SLC2A14: variants seen among roughly 807,000 people sequenced by gnomAD.
The protein encoded by SLC2A14 is solute carrier family 2, facilitated glucose transporter member 14.
SLC2A14 carries 13 observed loss-of-function variants against 43.0 expected under a neutral mutation model. The observed-to-expected ratio is 0.30, with a 90% confidence interval of 0.20 to 0.48. The LOEUF (loss-of-function observed/expected upper bound fraction) is 0.48, where lower values mean the gene tolerates loss of function less well. SLC2A14 is among the 20% of genes least tolerant of loss of function. The pLI is 0.99. For missense variants in SLC2A14, 428 were observed against 620.4 expected, an observed-to-expected ratio of 0.69 and a Z score of 3.29; for synonymous variants, 190 against 233.8, an observed-to-expected ratio of 0.81 and a Z score of 1.71.
chr12:7,860,082 C>T (rs1207218420), intron 2 of SLC2A14, among the ~76,000 whole-genome samples: 1 of 152,132 alleles, frequency 6.6e-6, no homozygotes, highest in Admixed American at 6.6e-5. Context: ...CTTGGTATTA[C>T]CAGAGCTGGT....
At chr12:7,836,314 C>A (rs746082548) in intron 2 of SLC2A14, among the ~76,000 whole-genome samples, 1 of 151,930 alleles carries the variant, frequency 6.6e-6, no homozygotes, top group Non-Finnish European at 1.5e-5. Context: ...TCTGCCTCCC[C>A]GGTTCAAGCA....
At chr12:7,834,527 T>C (rs1592197502) in intron 2 of SLC2A14, among the ~76,000 whole-genome samples, 1 of 68,462 alleles carries the variant, frequency 1.5e-5, no homozygotes, top group African/African-American at 5.0e-5. Flanking sequence ...CCCTTCTCTC[T>C]CTCTTTTTTT....
intron 3 of SLC2A14, 36 bp from the exon 4 acceptor site, chr12:7,831,800 G>A: frequency 6.2e-7 from 1 of 1,610,690 alleles, no homozygotes; most frequent in Non-Finnish European, 8.5e-7. Context: ...GACTATTACA[G>A]TTGGATGAGA....
At chr12:7,882,536 A>T (rs1383216881) in intron 1 of SLC2A14, among the ~76,000 whole-genome samples, 1 of 151,940 alleles carries the variant, frequency 6.6e-6, no homozygotes, top group Admixed American at 6.6e-5. Context: ...AAAATAAAAG[A>T]TATTTATTTG....
Position 7,872,885 on chromosome 12 carries a change from G to T in SLC2A14, c.-136C>A. The T allele has an allele frequency of 2.0e-6, 2 of 985,616 alleles. No homozygotes were observed. Among genetic ancestry groups the T allele is most frequent in the Non-Finnish European group, 2.4e-6 (2 of 830,126 alleles). 61.1% of individuals were successfully genotyped at this position (985,616 alleles called of 1,614,324 possible). ...CTCCCGGGCCGCTGCGCCCCCGCCG[G>T]CCCCGCCTGCAGCCGTTGGGACCCA... On this transcript the variant is annotated 5_prime_UTR_variant, in exon 1 of 11. Transcript: ENST00000431042.
At chr12:7,866,238 A>AAG (rs1555145102) in intron 2 of SLC2A14, among the ~76,000 whole-genome samples, 5 of 151,464 alleles carry the variant, frequency 3.3e-5, no homozygotes, top group Admixed American at 6.6e-5. Flanking sequence ...AAAAAAAAAA[A>AAG]AAAAGAAAAG....
At position 7,861,625 on chromosome 12, in the gene SLC2A14, C is replaced by G. The variant is rs143718759; in HGVS notation, c.18+8238G>C. Among the ~76,000 whole-genome samples, 104 of 152,034 alleles carry G rather than the reference C, an allele frequency of 6.8e-4. 2 individuals are homozygous for G. The highest frequency in any genetic ancestry group is 2.3e-3 in the African/African-American group (97 of 41,492). The stretch of plus-strand genomic sequence containing the variant: ...CTAAGTTTCAGCCCTTCACTTGTCC[C>G]GAAAACCATACAAACCATACATAAA... On this transcript the variant is annotated intron_variant, in intron 2 of 10. Transcript: ENST00000431042.
intron 2 of SLC2A14, among the ~76,000 whole-genome samples, chr12:7,868,628 A>G (rs1945049808): frequency 6.6e-6 from 1 of 152,168 alleles, no homozygotes; most frequent in South Asian, 2.1e-4. Context: ...TAAATGAGTC[A>G]TGAAGAACTA....
intron 2 of SLC2A14, among the ~76,000 whole-genome samples, chr12:7,842,056 T>A (rs762833454): frequency 6.6e-6 from 1 of 151,896 alleles, no homozygotes; most frequent in East Asian, 1.9e-4. Context: ...TCCCTACTCC[T>A]CCAACCCCTG....
At chr12:7,829,559 A>C (rs895164551) in intron 5 of SLC2A14, among the ~76,000 whole-genome samples, 7 of 152,032 alleles carry the variant, frequency 4.6e-5, no homozygotes, top group Non-Finnish European at 7.4e-5. Context: ...CCTCTCAAAA[A>C]AAAAAAAAGA....
rs1302894286 is a variant in SLC2A14, at chr12:7,832,770, G to A, written c.63C>T (p.Gly21=). The A allele has an allele frequency of 1.2e-6, 2 of 1,614,066 alleles. No individual in the cohort carries two copies. Among genetic ancestry groups the A allele is most frequent in the Non-Finnish European group, 1.7e-6 (2 of 1,180,038 alleles). Residue 21 remains glycine (G), a synonymous_variant, in exon 3 of 11, where the codon GGC becomes GGT. Transcript: ENST00000431042. ...LIFAITVATI[G]SFQFGYNTGV... ...CAGTGTTGTAGCCAAACTGGAAAGAGCCGATTGTAGCAACTGTGATGGCAA... is the reference window on the plus strand; with the variant it reads ...CAGTGTTGTAGCCAAACTGGAAAGAACCGATTGTAGCAACTGTGATGGCAA...
At chr12:7,846,928 G>A (rs1730142535) in intron 2 of SLC2A14, among the ~76,000 whole-genome samples, 1 of 151,318 alleles carries the variant, frequency 6.6e-6, no homozygotes, top group African/African-American at 2.4e-5. Flanking sequence ...CACCACGTCT[G>A]GTCCTGAATA....
At chr12:7,830,579 T>G (rs1165030531) in intron 4 of SLC2A14, among the ~76,000 whole-genome samples, 2 of 152,060 alleles carry the variant, frequency 1.3e-5, no homozygotes, top group Admixed American at 6.6e-5. Context: ...GAGGCTATAG[T>G]GAGCTATGAT....
At chr12:7,887,889 A>G (rs1369376648) in intron 1 of SLC2A14, among the ~76,000 whole-genome samples, 1 of 152,130 alleles carries the variant, frequency 6.6e-6, no homozygotes, top group Admixed American at 6.6e-5. Context: ...GATACTCCTT[A>G]GCTCAAAATC....
upstream of SLC2A14, among the ~76,000 whole-genome samples, chr12:7,875,103 T>G (rs1160970567): frequency 6.8e-5 from 9 of 132,358 alleles, no homozygotes; most frequent in South Asian, 1.1e-3. Flanking sequence ...AATTTAAATA[T>G]TTAAATATTA....
intron 2 of SLC2A14, among the ~76,000 whole-genome samples, chr12:7,864,617 C>A (rs916258350): frequency 1.3e-5 from 2 of 152,120 alleles, no homozygotes; most frequent in Admixed American, 1.3e-4. Flanking sequence ...GGATTACAGG[C>A]GTGAGCCACC....
intron 2 of SLC2A14, among the ~76,000 whole-genome samples, chr12:7,857,929 A>G (rs959929318): frequency 6.6e-6 from 1 of 151,956 alleles, no homozygotes. Flanking sequence ...GTTGAGACCA[A>G]CCTGGCCAAC....
chr12:7,817,113 T>C (rs2120654876), intron 10 of SLC2A14, among the ~76,000 whole-genome samples: 1 of 151,914 alleles, frequency 6.6e-6, no homozygotes, highest in East Asian at 2.0e-4. Context: ...GTATTACTAT[T>C]ATTATTATAT....
intron 2 of SLC2A14, among the ~76,000 whole-genome samples, chr12:7,866,946 T>C (rs2121038260): frequency 6.7e-6 from 1 of 149,132 alleles, no homozygotes; most frequent in East Asian, 2.0e-4. Context: ...CTTTCATGGT[T>C]TTTTTTTTTT....
Sources: allele counts gnomAD v4.1 joint callset (sites outside exome capture counted in the v4.1 genomes callset), GRCh38; gene constraint gnomAD v4.1.1; transcripts MANE v1.5; gene names NCBI Gene and HGNC (gene_info 2026-07-23, HGNC 2026-07-21).